ESR1: variants seen among roughly 807,000 people sequenced by gnomAD.
ESR1 encodes estrogen receptor 1, also known as estrogen receptor.
In ESR1, 12 loss-of-function variants were observed where a neutral mutation model predicts 52.7. That is an observed-to-expected ratio of 0.23 (90% CI 0.15 to 0.37). The LOEUF is 0.37. Ranked by LOEUF, ESR1 falls within the 10% of genes least tolerant of loss-of-function variation. ESR1 has a pLI of 1.00. For missense variants in ESR1, 584 were observed against 779.7 expected, an observed-to-expected ratio of 0.75 and a Z score of 2.99; for synonymous variants, 305 against 316.8, an observed-to-expected ratio of 0.96 and a Z score of 0.39.
At chr6:151,682,344 T>C (rs1448241619) in intron 1 of ESR1, among the ~76,000 whole-genome samples, 1 of 152,178 alleles carries the variant, frequency 6.6e-6, no homozygotes, top group Non-Finnish European at 1.5e-5. Flanking sequence ...AAGTTTTTTT[T>C]GGTATAAAGG....
chr6:151,671,845 G>T (rs999617588), intron 1 of ESR1, among the ~76,000 whole-genome samples: 1 of 151,868 alleles, frequency 6.6e-6, no homozygotes, highest in African/African-American at 2.4e-5. Flanking sequence ...TACAAAAATT[G>T]GCCAGGCATG....
At chr6:151,917,768 G>T (rs1036353942) in intron 3 of ESR1, among the ~76,000 whole-genome samples, 1 of 152,242 alleles carries the variant, frequency 6.6e-6, no homozygotes, top group Non-Finnish European at 1.5e-5. Context: ...GGTTGCTTCG[G>T]CTAAACAGTG....
At chr6:152,038,102 C>T (rs896875874) in intron 5 of ESR1, among the ~76,000 whole-genome samples, 5 of 152,054 alleles carry the variant, frequency 3.3e-5, no homozygotes, top group Non-Finnish European at 7.4e-5. Flanking sequence ...GGCCAAAGGC[C>T]CAAGAGCCCC....
At chr6:151,749,399 A>C (rs1783732894) in intron 2 of ESR1, among the ~76,000 whole-genome samples, 1 of 152,176 alleles carries the variant, frequency 6.6e-6, no homozygotes, top group African/African-American at 2.4e-5. Context: ...ATCATCTCAA[A>C]CATTTATCAT....
chr6:152,120,211 T>C lies in ESR1; in HGVS notation c.851-5055T>C, dbSNP rs137940270. On this transcript the variant is annotated intron_variant, in intron 6 of 6. Coordinates refer to the ESR1 transcript ENST00000427531. ...CGATGACACTCTTCATTGTGTGGGATTTCCATACCCCCTGAAGGGCAAAAC... is the reference window on the plus strand; with the variant it reads ...CGATGACACTCTTCATTGTGTGGGACTTCCATACCCCCTGAAGGGCAAAAC... 1.9e-3 allele frequency among the ~76,000 whole-genome samples: 283 copies of C among 152,254 alleles called. 1 individual carries two copies. The highest frequency in any genetic ancestry group is 6.2e-3 in the African/African-American group (256 of 41,558).
chr6:151,708,125 G>C (rs933772592), intron 2 of ESR1, among the ~76,000 whole-genome samples: 2 of 151,856 alleles, frequency 1.3e-5, no homozygotes, highest in African/African-American at 2.4e-5. Flanking sequence ...ATTTTTCAGG[G>C]CAATGGTCCT....
Position 152,094,339 on chromosome 6 carries a change from C to G in ESR1, c.1370-46C>G, listed in dbSNP as rs759425909. The G allele has an allele frequency of 6.4e-7, 1 of 1,566,414 alleles. No individual in the cohort carries two copies. Among genetic ancestry groups the G allele is most frequent in the Non-Finnish European group, 8.8e-7 (1 of 1,136,762 alleles). ...TGAACACTCTGGGTCTCCTAGACCT[C>G]ATCCTCTTTGAGCTTCTCTCTCTCA... is the stretch of plus-strand genomic sequence containing the variant. On this transcript the variant is annotated intron_variant, in intron 6 of 7. Transcript: ENST00000206249. The surrounding 1 kb of genome is among the most constrained non-coding windows in gnomAD (Gnocchi z 4.6).
intron 2 of ESR1, among the ~76,000 whole-genome samples, chr6:151,879,942 C>A (rs1014221981): frequency 1.3e-5 from 2 of 152,148 alleles, no homozygotes; most frequent in African/African-American, 4.8e-5. Flanking sequence ...CTTTGAAACT[C>A]TCTCTCTGAA....
chr6:152,045,900 A>T (rs900124614), intron 5 of ESR1, among the ~76,000 whole-genome samples: 3 of 152,222 alleles, frequency 2.0e-5, no homozygotes, highest in Non-Finnish European at 4.4e-5. Flanking sequence ...TTAATTCTGC[A>T]TTTGAATGAT....
chr6:152,097,711 C>T (rs1217136862), intron 7 of ESR1, among the ~76,000 whole-genome samples: 1 of 151,886 alleles, frequency 6.6e-6, no homozygotes, highest in Non-Finnish European at 1.5e-5. Context: ...ATGCCATTTG[C>T]CTACATTTCC....
chr6:151,953,094 C>T (rs1296683670), intron 4 of ESR1, among the ~76,000 whole-genome samples: 1 of 152,122 alleles, frequency 6.6e-6, no homozygotes, highest in African/African-American at 2.4e-5. Context: ...CTTAGAATGG[C>T]CCTGAAACCA....
At chr6:151,967,896 T>C (rs2038452659) in intron 4 of ESR1, among the ~76,000 whole-genome samples, 1 of 152,264 alleles carries the variant, frequency 6.6e-6, no homozygotes, top group Non-Finnish European at 1.5e-5. Flanking sequence ...TAAGATGGTA[T>C]GTCGTTCTGG....
intron 3 of ESR1, among the ~76,000 whole-genome samples, chr6:151,898,612 T>C (rs1445435676): frequency 2.6e-5 from 4 of 152,050 alleles, no homozygotes; most frequent in Non-Finnish European, 5.9e-5. Context: ...TTAACGAGCA[T>C]GCTGCCTTCA....
intron 1 of ESR1, chr6:151,690,776 A>AT (rs1343829473): frequency 1.3e-5 from 2 of 152,132 alleles, no homozygotes; most frequent in African/African-American, 2.4e-5. Context: ...AAAAATGTTC[A>AT]TTTTTTTGTC....
At chr6:151,886,728 A>G (rs1298558044) in intron 3 of ESR1, among the ~76,000 whole-genome samples, 1 of 152,154 alleles carries the variant, frequency 6.6e-6, no homozygotes, top group East Asian at 1.9e-4. Context: ...TTAATCCTAC[A>G]TTGGCTATCC....
downstream of ESR1, among the ~76,000 whole-genome samples, chr6:152,106,377 A>C (rs2051067533): frequency 6.6e-6 from 1 of 152,128 alleles, no homozygotes; most frequent in Non-Finnish European, 1.5e-5. Flanking sequence ...TGTGGATTTG[A>C]GTTACTGTCT....
intron 2 of ESR1, among the ~76,000 whole-genome samples, chr6:151,747,309 A>T (rs549834181): frequency 1.3e-5 from 2 of 152,210 alleles, no homozygotes; most frequent in Admixed American, 1.3e-4. Context: ...CTAATGAATG[A>T]ATCACTGAAT....
At chr6:152,031,647 A>T (rs767633503) in intron 5 of ESR1, among the ~76,000 whole-genome samples, 1 of 152,202 alleles carries the variant, frequency 6.6e-6, no homozygotes, top group Admixed American at 6.5e-5. Flanking sequence ...GCAATAATTA[A>T]TAGCTTACCA....
At chr6:151,692,643 T>G (rs909734305) in intron 1 of ESR1, among the ~76,000 whole-genome samples, 2 of 152,214 alleles carry the variant, frequency 1.3e-5, no homozygotes, top group Admixed American at 1.3e-4. Flanking sequence ...TGAAACCTCC[T>G]GCATATTGTC....
Sources: allele counts gnomAD v4.1 joint callset (sites outside exome capture counted in the v4.1 genomes callset), GRCh38; gene constraint gnomAD v4.1.1; non-coding constraint Gnocchi (gnomAD v3.1); transcripts MANE v1.5; gene names NCBI Gene and HGNC (gene_info 2026-07-23, HGNC 2026-07-21).